The following SYT10 variants were observed in gnomAD, a reference collection of about 807,000 sequenced individuals.
The protein encoded by SYT10 is synaptotagmin 10, also known as synaptotagmin-10.
In SYT10, 31 loss-of-function variants were observed where a neutral mutation model predicts 51.1. That is an observed-to-expected ratio of 0.61 (90% CI 0.46 to 0.82). The LOEUF (loss-of-function observed/expected upper bound fraction) is 0.82, where lower values mean the gene tolerates loss of function less well. Ranked by LOEUF, SYT10 falls within the 40% of genes least tolerant of loss-of-function variation. The pLI is 0.00. For missense variants in SYT10, 603 were observed against 634.0 expected, an observed-to-expected ratio of 0.95 and a Z score of 0.53; for synonymous variants, 233 against 225.9, an observed-to-expected ratio of 1.03 and a Z score of -0.28.
At chr12:33,420,065 T>G (rs1207441460) in intron 2 of SYT10, among the ~76,000 whole-genome samples, 4 of 152,174 alleles carry the variant, frequency 2.6e-5, no homozygotes, top group African/African-American at 2.4e-5. Context: ...TGAGCTCAGC[T>G]AGGTTTTGGA....
At chr12:33,437,761 C>T (rs1274829589) in intron 1 of SYT10, among the ~76,000 whole-genome samples, 6 of 152,040 alleles carry the variant, frequency 3.9e-5, no homozygotes, top group Non-Finnish European at 7.4e-5. Flanking sequence ...TATCTAATAT[C>T]ACCACAGAGG....
chr12:33,385,026 G>T, intron 4 of SYT10, 145 bp downstream of exon 4: 2 of 1,020,644 alleles, frequency 2.0e-6, no homozygotes, highest in Non-Finnish European at 1.4e-6. Context: ...GAGATGAATT[G>T]GAACATTTAA....
At chr12:33,409,645 C>T (rs1308966338) in intron 2 of SYT10, among the ~76,000 whole-genome samples, 1 of 151,948 alleles carries the variant, frequency 6.6e-6, no homozygotes, top group Non-Finnish European at 1.5e-5. Context: ...TTCCGAGTAG[C>T]TGGGACTACA....
chr12:33,414,933 C>T (rs1165127990), intron 2 of SYT10, among the ~76,000 whole-genome samples: 1 of 152,172 alleles, frequency 6.6e-6, no homozygotes, highest in Non-Finnish European at 1.5e-5. Flanking sequence ...TAGATCCTTT[C>T]CTTCCAATAA....
At chr12:33,376,922 A>C in intron 6 of SYT10, 21 bp from the exon 7 acceptor site, 1 of 1,613,340 alleles carries the variant, frequency 6.2e-7, no homozygotes, top group Non-Finnish European at 8.5e-7. Flanking sequence ...AAAATTTCAT[A>C]ATGTATGATC....
chr12:33,383,738 A>G (rs1866135519), intron 4 of SYT10, among the ~76,000 whole-genome samples: 1 of 152,066 alleles, frequency 6.6e-6, no homozygotes, highest in Non-Finnish European at 1.5e-5. Context: ...GCTTGTGACA[A>G]GGATAATTTA....
At chr12:33,431,984 G>A (rs1191933992) in intron 1 of SYT10, among the ~76,000 whole-genome samples, 2 of 152,100 alleles carry the variant, frequency 1.3e-5, no homozygotes, top group African/African-American at 2.4e-5. Flanking sequence ...ATGATAATGT[G>A]TGGAAAAACA....
chr12:33,406,733 T>C, intron 3 of SYT10, 56 bp downstream of exon 3: 1 of 1,398,228 alleles, frequency 7.2e-7, no homozygotes, highest in Non-Finnish European at 9.7e-7. Flanking sequence ...TAATAATTAG[T>C]CACATAGCAT....
At chr12:33,437,118 T>G (rs1395656606) in intron 1 of SYT10, among the ~76,000 whole-genome samples, 1 of 152,226 alleles carries the variant, frequency 6.6e-6, no homozygotes, top group African/African-American at 2.4e-5. Context: ...ATTTGCAGAT[T>G]AAAGTATTTT....
chr12:33,426,679 C>A (rs1326768304), intron 1 of SYT10, among the ~76,000 whole-genome samples, 184 bp from the exon 2 acceptor site: 1 of 152,110 alleles, frequency 6.6e-6, no homozygotes, highest in Non-Finnish European at 1.5e-5. Context: ...AAAGGAGGTA[C>A]TTGAAAAGTT....
At chr12:33,420,995 T>C (rs60231799) in intron 2 of SYT10, among the ~76,000 whole-genome samples, 20,235 of 152,118 alleles carry the variant, frequency 0.13, 1,548 homozygotes, top group African/African-American at 0.19. Context: ...CTTTTTATAA[T>C]ATCCCATTTT....
At chr12:33,380,385 A>C (rs1866103939) in intron 5 of SYT10, among the ~76,000 whole-genome samples, 3 of 152,218 alleles carry the variant, frequency 2.0e-5, no homozygotes, top group Non-Finnish European at 4.4e-5. Context: ...GAAATACAGC[A>C]GTACCAATTT....
intron 2 of SYT10, among the ~76,000 whole-genome samples, chr12:33,413,724 A>T (rs1866428419): frequency 6.6e-6 from 1 of 152,208 alleles, no homozygotes; most frequent in African/African-American, 2.4e-5. Context: ...AGCCACTGCA[A>T]AAACATGCCA....
At chr12:33,425,529 A>C (rs1199466738) in intron 2 of SYT10, among the ~76,000 whole-genome samples, 2 of 151,648 alleles carry the variant, frequency 1.3e-5, no homozygotes, top group Non-Finnish European at 2.9e-5. Context: ...TTTAATGTAC[A>C]CTCCTCCATA....
At chr12:33,379,986 T>C (rs747589678) in intron 5 of SYT10, 25 bp from the exon 6 acceptor site, 22 of 1,574,494 alleles carry the variant, frequency 1.4e-5, no homozygotes, top group Non-Finnish European at 1.9e-5. Context: ...ATATTATATT[T>C]TCATTTCCAA....
At chr12:33,434,841 A>G (rs1866625342) in intron 1 of SYT10, among the ~76,000 whole-genome samples, 1 of 152,174 alleles carries the variant, frequency 6.6e-6, no homozygotes, top group Admixed American at 6.5e-5. Context: ...TAAATAAAGT[A>G]GCTAGTATGA....
At chr12:33,382,600 ATAAGACCTATAGTACTAAGGCCTATAT>A in intron 4 of SYT10, 80 bp from the exon 5 acceptor site, 6 of 1,339,262 alleles carry the variant, frequency 4.5e-6, no homozygotes, top group Non-Finnish European at 5.0e-6. Flanking sequence ...TTTTTACTAA[ATAAGACCTATAGTACTAAGGCCTATAT>A]TAAGACCTTT....
intron 1 of SYT10, among the ~76,000 whole-genome samples, chr12:33,428,103 G>T (rs542847336): frequency 1.3e-5 from 2 of 152,190 alleles, no homozygotes; most frequent in African/African-American, 4.8e-5. Context: ...AAATGGGAAA[G>T]AAAAGATTCC....
rs1866066238 is a variant in SYT10, at chr12:33,376,794, C to G, written c.*36G>C. 1 of 1,611,218 alleles carries G rather than the reference C, an allele frequency of 6.2e-7. No individual in the cohort carries two copies. The highest frequency in any genetic ancestry group is 1.3e-5 in the African/African-American group (1 of 74,830). ...TTTCTGATTCAATGAGCACGTGATC[C>G]TAGATGCTTAATATCATGGTCTCAT... is the stretch of plus-strand genomic sequence containing the variant. On this transcript the variant is annotated 3_prime_UTR_variant, in exon 7 of 7. Transcript: ENST00000228567.
Sources: gnomAD v4.1 joint callset for allele counts (sites outside exome capture counted in the v4.1 genomes callset) on GRCh38, gnomAD v4.1.1 for gene constraint, MANE v1.5 for transcripts, NCBI Gene and HGNC (gene_info 2026-07-23, HGNC 2026-07-21) for gene names.